The following CKAP2 variants were observed in gnomAD, a reference collection of about 807,000 sequenced individuals.
The protein encoded by CKAP2 is cytoskeleton-associated protein 2.
CKAP2 carries 46 observed loss-of-function variants against 58.4 expected under a neutral mutation model. The ratio of observed to expected loss-of-function variants is 0.79; its 90% CI spans 0.62 to 1.01. The LOEUF (loss-of-function observed/expected upper bound fraction) is 1.01, where lower values mean the gene tolerates loss of function less well. Ranked by LOEUF, CKAP2 falls within the 50% of genes least tolerant of loss-of-function variation. The pLI is 0.00. For synonymous variants in CKAP2, 293 were observed against 280.9 expected (o/e 1.04, Z -0.43); for missense variants, 809 against 796.4 (o/e 1.02, Z -0.19).
chr13:52,462,903 G>C (rs1288176715), intron 5 of CKAP2, among the ~76,000 whole-genome samples: 1 of 152,120 alleles, frequency 6.6e-6, no homozygotes, highest in Non-Finnish European at 1.5e-5. Flanking sequence ...TACATAATGA[G>C]TTATCTTGGG....
intron 7 of CKAP2, among the ~76,000 whole-genome samples, chr13:52,468,698 A>C (rs1258414155): frequency 6.6e-6 from 1 of 152,230 alleles, no homozygotes; most frequent in Non-Finnish European, 1.5e-5. Context: ...TGTTCCTGCA[A>C]AGGACATGAT....
chr13:52,473,939 C>T lies in CKAP2; in HGVS notation c.1657C>T (p.His553Tyr). Reference protein sequence around the residue: ...PEKLEMESKLHRNLLFQDCEK... With the variant: ...PEKLEMESKLYRNLLFQDCEK... ...AAAACTGGAAATGGAGAGTAAACTT[C>T]ATAGAAATTTGCTATTTCAAGATTG... Residue 553 changes from histidine to tyrosine, a missense_variant, in exon 8 of 9, where the codon CAT (histidine) becomes TAT (tyrosine). Around this residue, in one of 3 missense-constraint regions of CKAP2, gnomAD observed 283 missense variants for 287.6 expected, o/e 0.98. Coordinates refer to ENST00000258607, the MANE Select transcript of CKAP2 (RefSeq NM_018204.5). 4 of 1,614,020 alleles carry T rather than the reference C, an allele frequency of 2.5e-6. No individual in the cohort carries two copies. The highest frequency in any genetic ancestry group is 3.4e-6 in the Non-Finnish European group (4 of 1,179,990).
At position 52,456,567 on chromosome 13, in the gene CKAP2, A is replaced by T; in HGVS notation, c.115A>T (p.Thr39Ser). The change falls in exon 2 of 9, where the codon ACG (threonine) becomes TCG (serine). Residue 39 changes from threonine to serine, a missense_variant. Physicochemically the swap from Thr to Ser is moderately conservative, Grantham distance 58. Transcript: ENST00000258607. ...KLKEHLLRRKTLFAYKQENEM... is the reference protein window; with the variant it reads ...KLKEHLLRRKSLFAYKQENEM... ...CAAGGAACATCTGTTGAGAAGAAAA[A>T]CGCTTTTTGCATACAAGCAGGAAAA... is the stretch of plus-strand genomic sequence containing the variant. 6.2e-7 allele frequency: 1 copy of T among 1,613,804 alleles called. No individual in the cohort carries two copies. Among genetic ancestry groups the T allele is most frequent in the East Asian group, 2.2e-5 (1 of 44,850 alleles).
intron 7 of CKAP2, among the ~76,000 whole-genome samples, chr13:52,470,615 A>G (rs1013495647): frequency 6.6e-6 from 1 of 151,948 alleles, no homozygotes; most frequent in Non-Finnish European, 1.5e-5. Flanking sequence ...GAAAAAAAAA[A>G]CTTGTTCATT....
At chr13:52,462,000 C>G (rs1186049769) in intron 4 of CKAP2, 74 bp downstream of exon 4, 5 of 1,326,628 alleles carry the variant, frequency 3.8e-6, no homozygotes, top group Non-Finnish European at 5.0e-6. Flanking sequence ...TTATAATTTC[C>G]TTGACTGCAT....
In CKAP2 at chr13:52,461,790, A is replaced by G. The variant is rs7335867; in HGVS notation, c.964A>G (p.Ile322Val). 1,613,938 of 1,614,144 alleles carry G rather than the reference A, an allele frequency of 1. 806,867 individuals carry two copies. Among genetic ancestry groups the G allele is most frequent in the Middle Eastern group, 1 (6,062 of 6,062 alleles). ...ATCAAGATCCATAGCATCTGAAGTT[A>G]TAGCCAGGCCTGCTTCATTGTCTAA... ...TLSRSIASEV[I>V]ARPASLSNDK... is the part of the protein sequence containing the mutation. The change falls in exon 4 of 9, where the codon ATA becomes GTA. Residue 322 changes from isoleucine to valine, a missense_variant. Physicochemically the swap from Ile to Val is conservative, Grantham distance 29 (BLOSUM62 3). Around this residue, in one of 3 missense-constraint regions of CKAP2, gnomAD observed 523 missense variants for 492.4 expected, o/e 1.06. Transcript: ENST00000258607.
rs967132246 is a variant in CKAP2 at position 52,468,216 on chromosome 13, CTAGT to C, written c.1477-59_1477-56del. ...GAAAATTTAATCGCGACTTGGATAC[CTAGT>C]TAATGTCAGAGAAAATAAAACTTAC... On this transcript the variant is annotated intron_variant, in intron 6 of 8. Coordinates refer to ENST00000258607, the MANE Select transcript of CKAP2 (RefSeq NM_018204.5). The C allele has an allele frequency of 1.2e-4, 112 of 957,222 alleles. 1 individual carries two copies. The highest frequency in any genetic ancestry group is 1.1e-3 in the African/African-American group (67 of 60,062). The allele number at this position is 957,222 out of a possible 1,614,324, so 59.3% of individuals were successfully genotyped here. A position where few individuals can be genotyped will look rare whatever the true frequency, so the allele number is the denominator to read the frequency against.
Position 52,461,763 on chromosome 13 carries a change from C to CT in CKAP2, c.938dup (p.Ser314IlefsTer7), listed in dbSNP as rs1315537008. On this transcript the variant is annotated frameshift_variant, in exon 4 of 9. Transcript: ENST00000258607. LOFTEE classifies it high-confidence loss of function. ...TCAAGGTATAATAAGAAATAAGACTCTATCAAGATCCATAGCATCTGAAGT... is the reference window on the plus strand; with the variant it reads ...TCAAGGTATAATAAGAAATAAGACTCTTATCAAGATCCATAGCATCTGAAGT... The CT allele has an allele frequency of 9.3e-6, 15 of 1,613,880 alleles. No homozygotes were observed. The highest frequency in any genetic ancestry group is 1.6e-4 in the Middle Eastern group (1 of 6,062).
chr13:52,469,488 A>C (rs1958728283), intron 7 of CKAP2, among the ~76,000 whole-genome samples: 1 of 152,220 alleles, frequency 6.6e-6, no homozygotes, highest in African/African-American at 2.4e-5. Flanking sequence ...AGATTCAGAT[A>C]AAGTTTATGC....
rs777200327 is a variant in CKAP2, at chr13:52,474,910, G to T, written c.1818G>T (p.Val606=). 36 of 1,607,954 alleles carry T rather than the reference G, an allele frequency of 2.2e-5. No individual in the cohort carries two copies. Among genetic ancestry groups the T allele is most frequent in the Non-Finnish European group, 2.9e-5 (34 of 1,175,520 alleles). ...TPYLQSVKKK[V]QFDGTNSAFK... ...TAATTTTCAGTGTGAAAAAAAAGGTGCAGTTTGATGGAACAAATTCCGCAT... is the reference window on the plus strand; with the variant it reads ...TAATTTTCAGTGTGAAAAAAAAGGTTCAGTTTGATGGAACAAATTCCGCAT... Residue 606 remains valine (V), a synonymous_variant, in exon 9 of 9, where the codon GTG becomes GTT. Coordinates refer to ENST00000258607, the MANE Select transcript of CKAP2 (RefSeq NM_018204.5).
chr13:52,455,531 G>T lies in CKAP2; in HGVS notation c.-26G>T. ...AGTTCTATCTTGGCGCTAAAGCGGAGACGCATCCCCCGACCCGAGGCTACG... is the reference window on the plus strand; with the variant it reads ...AGTTCTATCTTGGCGCTAAAGCGGATACGCATCCCCCGACCCGAGGCTACG... On this transcript the variant is annotated 5_prime_UTR_variant, in exon 1 of 9. Transcript: ENST00000258607. The T allele has an allele frequency of 1.9e-6, 3 of 1,612,770 alleles. No homozygotes were observed. The highest frequency in any genetic ancestry group is 2.5e-6 in the Non-Finnish European group (3 of 1,179,710).
At chr13:52,472,875 T>C (rs1958778630) in intron 7 of CKAP2, among the ~76,000 whole-genome samples, 1 of 152,094 alleles carries the variant, frequency 6.6e-6, no homozygotes, top group South Asian at 2.1e-4. Flanking sequence ...TGAGACCCCA[T>C]CTCTACAAAA....
intron 7 of CKAP2, 28 bp from the exon 8 acceptor site, chr13:52,473,801 G>GCTTA: frequency 6.4e-7 from 1 of 1,560,624 alleles, no homozygotes; most frequent in Non-Finnish European, 8.6e-7. Context: ...TCAGCCAAAA[G>GCTTA]CTTAATCTAT....
intron 2 of CKAP2, among the ~76,000 whole-genome samples, chr13:52,460,120 A>G (rs1176474465): frequency 6.6e-6 from 1 of 152,072 alleles, no homozygotes; most frequent in Non-Finnish European, 1.5e-5. Context: ...CGGCCTCCCA[A>G]AGTGCTGCTA....
At chr13:52,463,189 C>T (rs1296777706) in intron 5 of CKAP2, among the ~76,000 whole-genome samples, 1 of 152,142 alleles carries the variant, frequency 6.6e-6, no homozygotes, top group African/African-American at 2.4e-5. Context: ...CCACCCACCT[C>T]GGCCTCCCAA....
chr13:52,456,477 A>G lies in CKAP2; in HGVS notation c.71-46A>G, dbSNP rs749344408. 5 of 1,372,512 alleles carry G rather than the reference A, an allele frequency of 3.6e-6. No individual in the cohort carries two copies. The South Asian group carries it at 4.8e-5, about 13-fold the overall frequency. 85.0% of individuals were successfully genotyped at this position (1,372,512 alleles called of 1,614,324 possible). A position where few individuals can be genotyped will look rare whatever the true frequency, so the allele number is the denominator to read the frequency against. On this transcript the variant is annotated intron_variant, in intron 1 of 8. Transcript: ENST00000258607. The stretch of plus-strand genomic sequence containing the variant: ...CAACAAGATTTATTTGCCGTTATCG[A>G]TGTTTTAACTAATATTGACTTGTAG...
At position 52,474,072 on chromosome 13, in the gene CKAP2, C is replaced by A; in HGVS notation, c.1790C>A (p.Pro597Gln). Residue 597 changes from proline (P) to glutamine (Q), a missense_variant, in exon 8 of 9, where the codon CCA becomes CAA. Physicochemically the swap from Pro to Gln is moderately conservative, Grantham distance 76. This residue lies in a region of CKAP2 where 283 missense variants were observed against 287.6 expected (regional missense o/e 0.98). Transcript: ENST00000258607. ...ATTAAATATAATGTGTCTACTACGC[C>A]ATACTTGCAAAGGTAAACTTTTAAA... ...CLIKYNVSTT[P>Q]YLQSVKKKVQ... The A allele has an allele frequency of 6.2e-7, 1 of 1,609,254 alleles. No homozygotes were observed. The highest frequency in any genetic ancestry group is 8.5e-7 in the Non-Finnish European group (1 of 1,177,420).
At chr13:52,470,441 G>T (rs759821487) in intron 7 of CKAP2, among the ~76,000 whole-genome samples, 1 of 152,080 alleles carries the variant, frequency 6.6e-6, no homozygotes, top group Admixed American at 6.6e-5. Context: ...GATACATGCT[G>T]CCAGATTGCT....
At position 52,474,505 on chromosome 13, in the gene CKAP2, C is replaced by T. The variant is rs990015390; in HGVS notation, c.1803-390C>T. Reference sequence around the variant, plus strand: ...CCCTGTCTCAAAACAAAAAAGAAAACAGAAAAGTTTTTAAACAAATAGAAT... The same window carrying T: ...CCCTGTCTCAAAACAAAAAAGAAAATAGAAAAGTTTTTAAACAAATAGAAT... On this transcript the variant is annotated intron_variant, in intron 8 of 8. Transcript: ENST00000258607. Among the ~76,000 whole-genome samples the T allele has an allele frequency of 4.6e-5, 7 of 152,198 alleles. No homozygotes were observed. The South Asian group carries it at 1.5e-3, about 32-fold the overall frequency.
Sources: allele counts gnomAD v4.1 joint callset (sites outside exome capture counted in the v4.1 genomes callset), GRCh38; gene constraint gnomAD v4.1.1; regional missense constraint gnomAD v4.1.1; transcripts MANE v1.5; gene names NCBI Gene and HGNC (gene_info 2026-07-23, HGNC 2026-07-21).